GNG4: variants seen among roughly 807,000 people sequenced by gnomAD.
GNG4 encodes guanine nucleotide-binding protein G(I)/G(S)/G(O) subunit gamma-4.
GNG4 carries 4 observed loss-of-function variants against 5.8 expected under a neutral mutation model. That is an observed-to-expected ratio of 0.69 (90% confidence interval 0.34 to 1.57). GNG4 has a LOEUF of 1.57. Among genes scored for constraint, GNG4 ranks in the 40% most tolerant of loss-of-function variants. The pLI, the probability that GNG4 is intolerant of heterozygous loss-of-function variation, is 0.06. For missense variants in GNG4, 96 were observed against 95.1 expected, an observed-to-expected ratio of 1.01 and a Z score of -0.04; for synonymous variants, 29 against 32.9, an observed-to-expected ratio of 0.88 and a Z score of 0.41.
rs530788206 is a variant in GNG4, at chr1:235,573,075, C to T, written c.99+10665G>A. 5.3e-5 allele frequency among the ~76,000 whole-genome samples: 8 copies of T among 152,202 alleles called. No homozygotes were observed. The South Asian group carries it at 1.2e-3, about 24-fold the overall frequency. On this transcript the variant is annotated intron_variant, in intron 3 of 3. Transcript: ENST00000391854. ...CACAATAGCAAAGACTTGGAACCAA[C>T]CCAAATGTCCATCAATGATAGACTG...
At chr1:235,589,952 C>T (rs145613934) in intron 2 of GNG4, among the ~76,000 whole-genome samples, 176 of 152,238 alleles carry the variant, frequency 1.2e-3, no homozygotes, top group African/African-American at 3.8e-3. Context: ...TCTTCTCAGC[C>T]AAGGCTAACA....
intron 1 of GNG4, among the ~76,000 whole-genome samples, chr1:235,601,417 C>T (rs1688256446): frequency 6.6e-6 from 1 of 152,076 alleles, no homozygotes. Context: ...AGGGAGGCGC[C>T]CGGCTCTCAG....
At chr1:235,584,684 A>G (rs1260445210) in intron 2 of GNG4, among the ~76,000 whole-genome samples, 2 of 123,746 alleles carry the variant, frequency 1.6e-5, no homozygotes, top group African/African-American at 2.9e-5. Flanking sequence ...TGTGCTACAC[A>G]CATCACAATT....
intron 3 of GNG4, among the ~76,000 whole-genome samples, chr1:235,579,137 G>A (rs563313711): frequency 8.7e-4 from 132 of 151,452 alleles, no homozygotes; most frequent in African/African-American, 3.1e-3. Flanking sequence ...AAATAAATTC[G>A]AGAGGTTTAT....
intron 3 of GNG4, among the ~76,000 whole-genome samples, chr1:235,581,766 G>T (rs1197494143): frequency 6.6e-6 from 1 of 152,158 alleles, no homozygotes; most frequent in Non-Finnish European, 1.5e-5. Flanking sequence ...ATGTGAGAAT[G>T]AACTCCTACA....
At chr1:235,590,460 AAAG>A (rs1335790918) in intron 2 of GNG4, among the ~76,000 whole-genome samples, 2 of 151,906 alleles carry the variant, frequency 1.3e-5, no homozygotes, top group South Asian at 2.1e-4. Flanking sequence ...CTGGAAAAAA[AAAG>A]AAGGTGGAGA....
intron 1 of GNG4, among the ~76,000 whole-genome samples, chr1:235,614,100 G>A (rs758722330): frequency 3.4e-4 from 52 of 152,172 alleles, no homozygotes; most frequent in African/African-American, 1.0e-3. Flanking sequence ...GGCGTGAGCC[G>A]CTGCGCCTGG....
intron 2 of GNG4, among the ~76,000 whole-genome samples, chr1:235,586,483 A>T (rs1320522872): frequency 6.6e-6 from 1 of 152,202 alleles, no homozygotes; most frequent in Non-Finnish European, 1.5e-5. Flanking sequence ...GATGCAATGA[A>T]AAAAGGACTC....
chr1:235,579,185 G>A (rs1687559648), intron 3 of GNG4, among the ~76,000 whole-genome samples: 1 of 151,662 alleles, frequency 6.6e-6, no homozygotes, highest in African/African-American at 2.4e-5. Flanking sequence ...ACAATGTATT[G>A]TATACTTGAA....
intron 3 of GNG4, among the ~76,000 whole-genome samples, chr1:235,580,131 G>GGAC (rs1431533938): frequency 2.6e-5 from 4 of 152,194 alleles, no homozygotes; most frequent in African/African-American, 9.7e-5. Flanking sequence ...TGGATCTTAA[G>GGAC]GACGATAAGT....
intron 1 of GNG4, among the ~76,000 whole-genome samples, chr1:235,637,789 C>T (rs74399873): frequency 0.01 from 1,572 of 152,312 alleles, 21 homozygotes; most frequent in African/African-American, 0.036. Context: ...CACTACCTGG[C>T]CAGGGTGGCA....
chr1:235,554,877 TCTGA>T (rs1451411926), intron 3 of GNG4, among the ~76,000 whole-genome samples: 1 of 150,658 alleles, frequency 6.6e-6, no homozygotes, highest in African/African-American at 2.4e-5. Context: ...GAACGTCTCG[TCTGA>T]CTATCATGCC....
At chr1:235,612,212 A>G (rs1688493309) in intron 1 of GNG4, among the ~76,000 whole-genome samples, 1 of 152,208 alleles carries the variant, frequency 6.6e-6, no homozygotes, top group South Asian at 2.1e-4. Flanking sequence ...CTAGACATTC[A>G]GACTCACAAG....
At chr1:235,569,080 G>T (rs936885100) in intron 3 of GNG4, among the ~76,000 whole-genome samples, 4 of 152,106 alleles carry the variant, frequency 2.6e-5, no homozygotes, top group Admixed American at 6.6e-5. Context: ...TCCTGCCTTG[G>T]CTTCCCAAAG....
intron 1 of GNG4, among the ~76,000 whole-genome samples, chr1:235,607,066 G>A (rs1005226156): frequency 2.0e-5 from 3 of 151,050 alleles, no homozygotes; most frequent in Non-Finnish European, 4.4e-5. Flanking sequence ...AGCCTCATGA[G>A]TAGCTGGGAT....
At chr1:235,619,478 T>C (rs1376126607) in intron 1 of GNG4, among the ~76,000 whole-genome samples, 1 of 152,236 alleles carries the variant, frequency 6.6e-6, no homozygotes, top group East Asian at 1.9e-4. Context: ...GAAAAGAGCA[T>C]GAGCAAGGAA....
chr1:235,615,483 G>A (rs1424158606), intron 1 of GNG4: 1 of 156,746 alleles, frequency 6.4e-6, no homozygotes, highest in African/African-American at 2.4e-5. Context: ...CCTTCAAGAA[G>A]GCCTTTTACA....
intron 1 of GNG4, among the ~76,000 whole-genome samples, chr1:235,601,923 C>G (rs1035333933): frequency 1.3e-5 from 2 of 152,006 alleles, no homozygotes; most frequent in African/African-American, 4.8e-5. Context: ...GCATCAATGT[C>G]CCCTGGGAAC....
rs1469152852 is a variant in GNG4, at chr1:235,572,552, A to G, written c.99+11188T>C. On this transcript the variant is annotated intron_variant, in intron 3 of 3. Transcript: ENST00000391854. ...AGTCTAGCTCTGTCGCCCAGGCTGG[A>G]GTGAGGTGGTATGTTCTCAGCTCAC... Among the ~76,000 whole-genome samples, 3 of 128,246 alleles carry G rather than the reference A, an allele frequency of 2.3e-5. No homozygotes were observed. The East Asian group carries it at 6.9e-4, about 30-fold the overall frequency. 84.1% of individuals were successfully genotyped at this position (128,246 alleles called of 152,430 possible). A position where few individuals can be genotyped will look rare whatever the true frequency, so the allele number is the denominator to read the frequency against.
Sources: allele counts gnomAD v4.1 joint callset (sites outside exome capture counted in the v4.1 genomes callset), GRCh38; gene constraint gnomAD v4.1.1; transcripts MANE v1.5; gene names NCBI Gene and HGNC (gene_info 2026-07-23, HGNC 2026-07-21).